SAMTOR: variants seen among roughly 807,000 people sequenced by gnomAD.
SAMTOR encodes UPF0532 protein C7orf60.
At chr7:112,825,562 T>C in the SAMTOR span, among the ~76,000 whole-genome samples, 1 of 152,194 alleles carries the variant, frequency 6.6e-6, no homozygotes, top group Non-Finnish European at 1.5e-5. Context: ...TAAACTCATT[T>C]GTTAGTTTTA....
At chr7:112,878,263 T>C in the SAMTOR span, among the ~76,000 whole-genome samples, 2 of 152,214 alleles carry the variant, frequency 1.3e-5, no homozygotes, top group African/African-American at 4.8e-5. Context: ...ACTATTACTA[T>C]AGTTTGGTGC....
chr7:112,858,572 T>C, the SAMTOR span, among the ~76,000 whole-genome samples: 3 of 152,158 alleles, frequency 2.0e-5, no homozygotes, highest in African/African-American at 7.2e-5. Flanking sequence ...TTAAAAATCC[T>C]TTTTCCAGTT....
the SAMTOR span, among the ~76,000 whole-genome samples, chr7:112,915,901 TC>T: frequency 6.6e-6 from 1 of 152,204 alleles, no homozygotes; most frequent in African/African-American, 2.4e-5. Context: ...TAAACCTGCT[TC>T]TTGACTGTTA....
At chr7:112,891,006 A>T in the SAMTOR span, among the ~76,000 whole-genome samples, 2 of 152,226 alleles carry the variant, frequency 1.3e-5, no homozygotes, top group Non-Finnish European at 1.5e-5. Context: ...ATATTTAACA[A>T]ATTTAAGGAA....
At chr7:112,868,838 G>C in the SAMTOR span, among the ~76,000 whole-genome samples, 1 of 152,218 alleles carries the variant, frequency 6.6e-6, no homozygotes, top group Non-Finnish European at 1.5e-5. Context: ...GGAGTGGAAG[G>C]AGAGTTGCTG....
chr7:112,852,257 C>A, the SAMTOR span, among the ~76,000 whole-genome samples: 33,954 of 152,030 alleles, frequency 0.22, 4,355 homozygotes, highest in Middle Eastern at 0.41. Flanking sequence ...TATGTACATA[C>A]ACATCATGGA....
At chr7:112,874,425 A>T in the SAMTOR span, among the ~76,000 whole-genome samples, 1 of 152,136 alleles carries the variant, frequency 6.6e-6, no homozygotes, top group Non-Finnish European at 1.5e-5. Context: ...CTCACTTCCA[A>T]GTGGGAACTA....
the SAMTOR span, among the ~76,000 whole-genome samples, chr7:112,848,906 G>C: frequency 6.6e-6 from 1 of 152,114 alleles, no homozygotes; most frequent in Non-Finnish European, 1.5e-5. Flanking sequence ...AAAATTAGCT[G>C]GGCGTGGTGG....
the SAMTOR span, among the ~76,000 whole-genome samples, chr7:112,878,918 G>T: frequency 6.6e-6 from 1 of 152,100 alleles, no homozygotes; most frequent in African/African-American, 2.4e-5. Context: ...TAAGAGATGA[G>T]ATAGAGGTAG....
the SAMTOR span, among the ~76,000 whole-genome samples, chr7:112,901,191 CT>C: frequency 1.9e-4 from 29 of 152,350 alleles, no homozygotes; most frequent in African/African-American, 7.0e-4. Context: ...AGGAACTGGG[CT>C]GCACAGCAGG....
the SAMTOR span, among the ~76,000 whole-genome samples, chr7:112,868,828 G>A: frequency 6.6e-6 from 1 of 152,222 alleles, no homozygotes; most frequent in Non-Finnish European, 1.5e-5. Flanking sequence ...TTGCAAGACC[G>A]GAGTGGAAGG....
the SAMTOR span, among the ~76,000 whole-genome samples, chr7:112,915,867 T>A: frequency 6.6e-6 from 1 of 152,208 alleles, no homozygotes; most frequent in East Asian, 1.9e-4. Context: ...GCAATATAAC[T>A]TTGCAGGAGC....
the SAMTOR span, among the ~76,000 whole-genome samples, chr7:112,909,013 G>GT: frequency 3.3e-5 from 5 of 152,252 alleles, no homozygotes; most frequent in Admixed American, 3.3e-4. Flanking sequence ...GCAAATGACC[G>GT]TAACAACTGC....
the SAMTOR span, among the ~76,000 whole-genome samples, chr7:112,862,790 G>A: frequency 6.6e-6 from 1 of 151,988 alleles, no homozygotes; most frequent in Non-Finnish European, 1.5e-5. Context: ...TTAGCAGGGT[G>A]TGGTGGAAGA....
the SAMTOR span, among the ~76,000 whole-genome samples, chr7:112,899,152 C>A: frequency 4.6e-5 from 7 of 151,872 alleles, no homozygotes; most frequent in Admixed American, 3.9e-4. Flanking sequence ...TCAGGGAATT[C>A]CAAATAGCTT....
At chr7:112,874,589 T>C in the SAMTOR span, among the ~76,000 whole-genome samples, 5 of 152,126 alleles carry the variant, frequency 3.3e-5, no homozygotes, top group African/African-American at 7.2e-5. Context: ...CAAACCTCAG[T>C]ATCACGCAAC....
the SAMTOR span, among the ~76,000 whole-genome samples, chr7:112,881,236 CATA>C: frequency 6.6e-6 from 1 of 152,298 alleles, no homozygotes; most frequent in South Asian, 2.1e-4. Flanking sequence ...CACTGACGAG[CATA>C]GGAGGGAGGC....
chr7:112,859,084 T>C, the SAMTOR span, among the ~76,000 whole-genome samples: 2 of 152,304 alleles, frequency 1.3e-5, no homozygotes, highest in Non-Finnish European at 2.9e-5. Flanking sequence ...CTGAGTTTGC[T>C]CCCAGAAAGG....
At chr7:112,867,113 G>A in the SAMTOR span, among the ~76,000 whole-genome samples, 2 of 152,162 alleles carry the variant, frequency 1.3e-5, no homozygotes, top group African/African-American at 2.4e-5. Context: ...ATCTCCAAAG[G>A]ACTGCACTAG....
Sources: gnomAD v4.1 joint callset for allele counts (sites outside exome capture counted in the v4.1 genomes callset) on GRCh38, gnomAD v4.1.1 for gene constraint, MANE v1.5 for transcripts, NCBI Gene and HGNC (gene_info 2026-07-23, HGNC 2026-07-21) for gene names.